PMEPA1: variants seen among roughly 807,000 people sequenced by gnomAD.
The protein encoded by PMEPA1 is protein TMEPAI.
Under a neutral mutation model 23.0 loss-of-function variants are expected in PMEPA1, and 11 were observed. The observed-to-expected ratio is 0.48, with a 90% CI of 0.30 to 0.79. The LOEUF (loss-of-function observed/expected upper bound fraction) is 0.79. PMEPA1 is among the 30% of genes least tolerant of loss of function. The pLI is 0.06. For missense variants in PMEPA1, 377 were observed against 390.9 expected, an observed-to-expected ratio of 0.96 and a Z score of 0.30; for synonymous variants, 204 against 166.4, an observed-to-expected ratio of 1.23 and a Z score of -1.74.
rs771359713 is a variant in PMEPA1 at position 57,661,373 on chromosome 20, C to T, written c.110-1676G>A. On this transcript the variant is annotated intron_variant, in intron 1 of 3. Coordinates refer to ENST00000341744, the MANE Select transcript of PMEPA1 (RefSeq NM_020182.5). Reference sequence around the variant, plus strand: ...TTGACACGGCAGAGTGGGCACCAGCCGGCAGCGTCCGGGGCCAAAGCTCCT... The same window carrying T: ...TTGACACGGCAGAGTGGGCACCAGCTGGCAGCGTCCGGGGCCAAAGCTCCT... Among the ~76,000 whole-genome samples the T allele has an allele frequency of 5.3e-5, 8 of 152,296 alleles. No individual in the cohort carries two copies. The South Asian group carries it at 6.2e-4, about 12-fold the overall frequency.
At chr20:57,706,221 G>A (rs1198309951) in intron 1 of PMEPA1, among the ~76,000 whole-genome samples, 1 of 152,204 alleles carries the variant, frequency 6.6e-6, no homozygotes, top group Non-Finnish European at 1.5e-5. Flanking sequence ...CCCAGGTTCA[G>A]TCTTTCCCGA....
chr20:57,688,537 A>G (rs1423264753), intron 1 of PMEPA1, among the ~76,000 whole-genome samples: 3 of 152,276 alleles, frequency 2.0e-5, no homozygotes, highest in Admixed American at 2.0e-4. Flanking sequence ...AGCCACAAAG[A>G]ACGGCAGGCA....
chr20:57,661,700 G>T (rs2071421329), intron 1 of PMEPA1, among the ~76,000 whole-genome samples: 1 of 152,188 alleles, frequency 6.6e-6, no homozygotes, highest in Admixed American at 6.5e-5. Flanking sequence ...AGACAGCCCA[G>T]GCAAGCACAC....
intron 1 of PMEPA1, among the ~76,000 whole-genome samples, chr20:57,688,539 C>T (rs1436711022): frequency 2.6e-5 from 4 of 152,188 alleles, no homozygotes; most frequent in Admixed American, 6.5e-5. Context: ...CCACAAAGAA[C>T]GGCAGGCAGC....
intron 1 of PMEPA1, among the ~76,000 whole-genome samples, chr20:57,662,837 G>A (rs1396503249): frequency 3.9e-5 from 6 of 152,158 alleles, no homozygotes; most frequent in African/African-American, 9.7e-5. Flanking sequence ...GTGTGTGGCT[G>A]TTTTTGTCCC....
chr20:57,698,102 G>A (rs1414700133), intron 1 of PMEPA1, among the ~76,000 whole-genome samples: 1 of 152,050 alleles, frequency 6.6e-6, no homozygotes, highest in Non-Finnish European at 1.5e-5. Flanking sequence ...GTCTGGGGTG[G>A]GGGCATCCCT....
At chr20:57,689,718 C>T (rs1174473597) in intron 1 of PMEPA1, among the ~76,000 whole-genome samples, 1 of 152,086 alleles carries the variant, frequency 6.6e-6, no homozygotes, top group African/African-American at 2.4e-5. Flanking sequence ...AGGGGCCGCC[C>T]TGAATCTGCC....
At position 57,651,962 on chromosome 20, in the gene PMEPA1, G is replaced by A. The variant is rs558195316; in HGVS notation, c.*91C>T. The A allele has an allele frequency of 8.6e-5, 96 of 1,112,918 alleles. No individual in the cohort carries two copies. The highest frequency in any genetic ancestry group is 1.1e-4 in the African/African-American group (7 of 63,100). 68.9% of individuals were successfully genotyped at this position (1,112,918 alleles called of 1,614,324 possible). A position where few individuals can be genotyped will look rare whatever the true frequency, so the allele number is the denominator to read the frequency against. On this transcript the variant is annotated 3_prime_UTR_variant, in exon 4 of 4. Coordinates refer to ENST00000341744, the MANE Select transcript of PMEPA1 (RefSeq NM_020182.5). Reference sequence around the variant, plus strand: ...GGAGGGCCACACGATGCGTTGCTGCGCCCCCCGCCTTCCTCTCACTCCTCT... The same window carrying A: ...GGAGGGCCACACGATGCGTTGCTGCACCCCCCGCCTTCCTCTCACTCCTCT...
upstream of PMEPA1, chr20:57,710,654 A>C: frequency 1.8e-6 from 1 of 542,732 alleles, no homozygotes; most frequent in Admixed American, 3.6e-5. Flanking sequence ...TCGCCGCCCC[A>C]GCCGGCGGGA....
At chr20:57,673,517 ATGCAGGAGTCCAGTCTCTAACTGG>A (rs1241273098) in intron 1 of PMEPA1, among the ~76,000 whole-genome samples, 4 of 152,180 alleles carry the variant, frequency 2.6e-5, no homozygotes, top group African/African-American at 9.7e-5. Context: ...TGAGCCCGGC[ATGCAGGAGTCCAGTCTCTAACTGG>A]TAGACTCCTC....
chr20:57,658,866 C>G (rs1284722953), intron 2 of PMEPA1, among the ~76,000 whole-genome samples: 1 of 152,226 alleles, frequency 6.6e-6, no homozygotes, highest in Non-Finnish European at 1.5e-5. Context: ...CTGCAGGCAC[C>G]TTTCCCACCA....
At chr20:57,680,987 G>A (rs960283612) in intron 1 of PMEPA1, among the ~76,000 whole-genome samples, 1 of 152,156 alleles carries the variant, frequency 6.6e-6, no homozygotes, top group African/African-American at 2.4e-5. Flanking sequence ...GTCGGGGCCG[G>A]GTCAGTGAGG....
rs1023520237 is a variant in PMEPA1, at chr20:57,649,346, T to C, written c.*2707A>G. The C allele has an allele frequency of 6.6e-6, 1 of 152,124 alleles. No individual in the cohort carries two copies. The highest frequency in any genetic ancestry group is 6.5e-5 in the Admixed American group (1 of 15,278). The allele number at this position is 152,124 out of a possible 1,614,324, so 9.4% of individuals were successfully genotyped here. ...GTTTCCAGAGACAACCTGCTGGCTG[T>C]CTTGGGATGCGCCCAGCCTTTGAGA... On this transcript the variant is annotated 3_prime_UTR_variant, in exon 4 of 4. Transcript: ENST00000341744.
At chr20:57,692,758 T>C (rs2071899236) in intron 1 of PMEPA1, among the ~76,000 whole-genome samples, 1 of 152,178 alleles carries the variant, frequency 6.6e-6, no homozygotes. Flanking sequence ...CTGGATACTC[T>C]TCATTGTGGA....
intron 1 of PMEPA1, chr20:57,700,061 G>T: frequency 2.1e-6 from 1 of 471,162 alleles, no homozygotes; most frequent in Non-Finnish European, 4.4e-6. Flanking sequence ...TTCATGGCTG[G>T]ATTTGTCACT....
chr20:57,654,902 G>A (rs952902342), intron 2 of PMEPA1, among the ~76,000 whole-genome samples: 1 of 151,972 alleles, frequency 6.6e-6, no homozygotes, highest in African/African-American at 2.4e-5. Flanking sequence ...CTTCCCCAGG[G>A]CCCTTCCTCC....
chr20:57,710,069 C>G (rs1454830100), upstream of PMEPA1: 2 of 984,098 alleles, frequency 2.0e-6, no homozygotes, highest in African/African-American at 1.7e-5. Context: ...GGGGAGGGGG[C>G]GCGCGCTGCG....
chr20:57,683,608 G>A lies in PMEPA1; in HGVS notation c.110-23911C>T, dbSNP rs540210032. The stretch of plus-strand genomic sequence containing the variant: ...GTTTCTTTTAAAAGTCTCTTCCCCT[G>A]AAAATACTTCATGTTGATATTTCTT... On this transcript the variant is annotated intron_variant, in intron 1 of 3. Transcript: ENST00000341744. The surrounding 1 kb of genome is among the most constrained non-coding windows in gnomAD (Gnocchi z 4.3). Among the ~76,000 whole-genome samples the A allele has an allele frequency of 2.9e-5, 4 of 140,008 alleles. No homozygotes were observed. Among genetic ancestry groups the A allele is most frequent in the African/African-American group, 1.1e-4 (4 of 35,380 alleles). 91.9% of individuals were successfully genotyped at this position (140,008 alleles called of 152,430 possible).
At chr20:57,672,357 T>C (rs776275724) in intron 1 of PMEPA1, among the ~76,000 whole-genome samples, 2 of 152,266 alleles carry the variant, frequency 1.3e-5, no homozygotes, top group Non-Finnish European at 2.9e-5. Context: ...TTTCCTGACA[T>C]GAGCCAGGAT....
Sources: gnomAD v4.1 joint callset for allele counts (sites outside exome capture counted in the v4.1 genomes callset) on GRCh38, gnomAD v4.1.1 for gene constraint, Gnocchi (gnomAD v3.1) non-coding constraint, MANE v1.5 for transcripts, NCBI Gene and HGNC (gene_info 2026-07-23, HGNC 2026-07-21) for gene names.